Variants in COTL1 observed in about 807,000 individuals in gnomAD.
COTL1 encodes coactosin-like protein.
A neutral mutation model predicts 16.5 loss-of-function variants in COTL1; 15 were observed. The ratio of observed to expected loss-of-function variants is 0.91; its 90% CI spans 0.61 to 1.40. COTL1 has a LOEUF of 1.40. Among genes scored for constraint, COTL1 ranks in the 40% most tolerant of loss-of-function variants. COTL1 has a pLI of 0.00. For missense variants in COTL1, 220 were observed against 201.5 expected (o/e 1.09, Z -0.56); for synonymous variants, 112 against 85.3 (o/e 1.31, Z -1.73).
chr16:84,580,371 C>A (rs141547320), intron 3 of COTL1, among the ~76,000 whole-genome samples: 2 of 152,156 alleles, frequency 1.3e-5, no homozygotes, highest in Non-Finnish European at 2.9e-5. Flanking sequence ...CTCAGCCTCC[C>A]GAGTAGCTTG....
At chr16:84,571,170 G>C (rs936225999) in intron 3 of COTL1, among the ~76,000 whole-genome samples, 5 of 152,096 alleles carry the variant, frequency 3.3e-5, no homozygotes, top group Non-Finnish European at 7.3e-5. Context: ...CTTCAGTCTG[G>C]CTGACAGCTG....
At chr16:84,568,541 C>T (rs1200809747) in intron 3 of COTL1, 2 of 152,134 alleles carry the variant, frequency 1.3e-5, no homozygotes, top group Non-Finnish European at 2.9e-5. Flanking sequence ...TGAAAGAAGC[C>T]AGGCATGAAG....
At chr16:84,589,714 G>C (rs1372381458) in intron 3 of COTL1, among the ~76,000 whole-genome samples, 4 of 152,042 alleles carry the variant, frequency 2.6e-5, no homozygotes, top group African/African-American at 9.7e-5. Flanking sequence ...GTTCAGAGAG[G>C]GTACAAATGA....
intron 3 of COTL1, among the ~76,000 whole-genome samples, chr16:84,575,119 C>A (rs1165259370): frequency 2.6e-5 from 4 of 152,090 alleles, no homozygotes; most frequent in Non-Finnish European, 5.9e-5. Context: ...TTCACTGTAA[C>A]CTCCACCTCC....
intron 2 of COTL1, among the ~76,000 whole-genome samples, chr16:84,597,274 C>A (rs1239768009): frequency 6.6e-6 from 1 of 152,156 alleles, no homozygotes; most frequent in African/African-American, 2.4e-5. Flanking sequence ...AGGGGCCAGT[C>A]CCCACTCTAA....
chr16:84,587,507 G>A (rs371462212), intron 3 of COTL1, among the ~76,000 whole-genome samples: 422 of 152,194 alleles, frequency 2.8e-3, no homozygotes, highest in African/African-American at 9.6e-3. Context: ...CCAAGAACAG[G>A]GGAACATTTA....
At chr16:84,617,413 T>G (rs1301805024) in intron 2 of COTL1, 88 bp downstream of exon 2, 1 of 1,279,604 alleles carries the variant, frequency 7.8e-7, no homozygotes, top group Non-Finnish European at 1.1e-6. Context: ...GGCCACCGGT[T>G]CCTCCCGGGT....
At chr16:84,612,160 G>T (rs1197873867) in intron 2 of COTL1, among the ~76,000 whole-genome samples, 2 of 152,174 alleles carry the variant, frequency 1.3e-5, no homozygotes, top group Non-Finnish European at 2.9e-5. Flanking sequence ...GTCCCAAGCA[G>T]CATAAGGACT....
intron 2 of COTL1, among the ~76,000 whole-genome samples, chr16:84,606,807 G>A (rs977065464): frequency 6.6e-6 from 1 of 152,216 alleles, no homozygotes; most frequent in East Asian, 1.9e-4. Flanking sequence ...GTTCCTCTTA[G>A]GGTCCCTGAG....
chr16:84,614,709 C>G (rs895994010), intron 2 of COTL1, among the ~76,000 whole-genome samples: 2 of 152,036 alleles, frequency 1.3e-5, no homozygotes, highest in Non-Finnish European at 2.9e-5. Flanking sequence ...GCAGGAAGCC[C>G]GAACCAGAGT....
At chr16:84,599,090 C>G (rs1905063937) in intron 2 of COTL1, among the ~76,000 whole-genome samples, 2 of 131,130 alleles carry the variant, frequency 1.5e-5, no homozygotes, top group South Asian at 5.8e-4. Flanking sequence ...TCCCCCCCTT[C>G]CCCCTCCCAC....
chr16:84,611,161 C>T (rs1033439919), intron 2 of COTL1, among the ~76,000 whole-genome samples: 3 of 152,184 alleles, frequency 2.0e-5, no homozygotes, highest in Admixed American at 2.0e-4. Context: ...GCAAGGCTAT[C>T]GTTCAAAGCA....
intron 2 of COTL1, among the ~76,000 whole-genome samples, chr16:84,598,468 C>A (rs992298305): frequency 2.0e-5 from 3 of 152,196 alleles, no homozygotes; most frequent in Non-Finnish European, 4.4e-5. Flanking sequence ...AGCATCCTAA[C>A]GTTCTCAGGA....
intron 3 of COTL1, among the ~76,000 whole-genome samples, chr16:84,573,992 AAAT>A (rs887119224): frequency 6.6e-6 from 1 of 151,672 alleles, no homozygotes; most frequent in Non-Finnish European, 1.5e-5. Flanking sequence ...CTTTCTCTAC[AAAT>A]AATAATAATA....
chr16:84,592,243 A>T lies in COTL1; in HGVS notation c.161-1981T>A, dbSNP rs548816020. Among the ~76,000 whole-genome samples the T allele has an allele frequency of 1.7e-4, 26 of 152,342 alleles. No individual in the cohort carries two copies. In the South Asian group the frequency reaches 5.4e-3, roughly 32 times the overall value. On this transcript the variant is annotated intron_variant, in intron 2 of 3. Coordinates refer to ENST00000262428, the MANE Select transcript of COTL1 (RefSeq NM_021149.5). ...CCTCTTGAGGGGATCACATATCCTTATTCAGCTTACTTCACAAACAGTTCA... is the reference window on the plus strand; with the variant it reads ...CCTCTTGAGGGGATCACATATCCTTTTTCAGCTTACTTCACAAACAGTTCA...
intron 2 of COTL1, among the ~76,000 whole-genome samples, chr16:84,598,656 A>ATCC (rs1350223450): frequency 2.1e-5 from 1 of 46,994 alleles, no homozygotes; most frequent in African/African-American, 6.4e-5. Context: ...TCTCCCCCCC[A>ATCC]ACCCCCCCCA....
intron 2 of COTL1, among the ~76,000 whole-genome samples, chr16:84,614,252 C>CG (rs1367885218): frequency 6.6e-6 from 1 of 152,140 alleles, no homozygotes; most frequent in African/African-American, 2.4e-5. Flanking sequence ...GCGGAGGTAG[C>CG]GGAGGGGCAG....
At chr16:84,571,217 C>A (rs1213926340) in intron 3 of COTL1, among the ~76,000 whole-genome samples, 2 of 152,116 alleles carry the variant, frequency 1.3e-5, no homozygotes, top group African/African-American at 4.8e-5. Flanking sequence ...ACACGAGAGC[C>A]CCCGCCGCGT....
At chr16:84,578,854 CACACACATACACATGCAGGCATGCAT>C in intron 3 of COTL1, among the ~76,000 whole-genome samples, 1 of 152,006 alleles carries the variant, frequency 6.6e-6, no homozygotes, top group Non-Finnish European at 1.5e-5. Context: ...CAGGTATGCA[CACACACATACACATGCAGGCATGCAT>C]ACACACAGAC....
Sources: allele counts gnomAD v4.1 joint callset (sites outside exome capture counted in the v4.1 genomes callset), GRCh38; gene constraint gnomAD v4.1.1; transcripts MANE v1.5; gene names NCBI Gene and HGNC (gene_info 2026-07-23, HGNC 2026-07-21).